Variants in GPR176 observed in about 807,000 individuals in gnomAD.
The protein encoded by GPR176 is G protein-coupled receptor 176, also known as G-protein coupled receptor 176.
In GPR176, 26 loss-of-function variants were observed where a neutral mutation model predicts 35.4. That is an observed-to-expected ratio of 0.74 (90% CI 0.54 to 1.02). The LOEUF (loss-of-function observed/expected upper bound fraction) is 1.02, where lower values mean the gene tolerates loss of function less well. Ranked by LOEUF, GPR176 falls within the 50% of genes least tolerant of loss-of-function variation. GPR176 has a pLI of 0.00. For missense variants in GPR176, 597 were observed against 665.3 expected (o/e 0.90, Z 1.13); for synonymous variants, 278 against 271.3 (o/e 1.02, Z -0.24).
chr15:39,890,016 AATG>A (rs1157486022), intron 1 of GPR176, among the ~76,000 whole-genome samples: 1 of 152,162 alleles, frequency 6.6e-6, no homozygotes, highest in East Asian at 1.9e-4. Flanking sequence ...TGGGAGTTTG[AATG>A]ATGATATTTT....
intron 1 of GPR176, among the ~76,000 whole-genome samples, chr15:39,915,233 A>C (rs1183558448): frequency 1.3e-5 from 2 of 152,180 alleles, no homozygotes; most frequent in African/African-American, 4.8e-5. Flanking sequence ...CAGAGTGCTA[A>C]CGTGGTTGGG....
intron 1 of GPR176, among the ~76,000 whole-genome samples, chr15:39,918,748 G>A (rs1364461109): frequency 2.0e-5 from 3 of 152,094 alleles, no homozygotes; most frequent in Non-Finnish European, 4.4e-5. Context: ...AAATCGAAGA[G>A]AAATACTATG....
intron 1 of GPR176, among the ~76,000 whole-genome samples, chr15:39,890,839 T>C (rs138096893): frequency 5.9e-5 from 9 of 152,274 alleles, no homozygotes; most frequent in Non-Finnish European, 1.2e-4. Context: ...CACCAGACCA[T>C]GGATGAGTTG....
chr15:39,818,191 T>C (rs2140805276), intron 1 of GPR176, among the ~76,000 whole-genome samples: 1 of 152,376 alleles, frequency 6.6e-6, no homozygotes, highest in Middle Eastern at 3.4e-3. Context: ...GTCAGTTTGC[T>C]GTAACTTATG....
intron 1 of GPR176, among the ~76,000 whole-genome samples, chr15:39,897,630 G>A (rs1419765938): frequency 2.9e-5 from 3 of 104,900 alleles, no homozygotes; most frequent in Admixed American, 2.5e-4. Flanking sequence ...TTTTTGAGAC[G>A]GAGTCTCGCT....
chr15:39,836,122 T>A (rs1462076206), intron 1 of GPR176, among the ~76,000 whole-genome samples: 3 of 152,002 alleles, frequency 2.0e-5, no homozygotes, highest in Non-Finnish European at 4.4e-5. Context: ...TATAAGTAAA[T>A]ATAAAAAGAG....
intron 1 of GPR176, among the ~76,000 whole-genome samples, chr15:39,835,982 C>T (rs1290939989): frequency 6.6e-6 from 1 of 152,212 alleles, no homozygotes; most frequent in East Asian, 1.9e-4. Flanking sequence ...GTAATCCCAG[C>T]TACTCAGGAG....
rs560447393 is a variant in GPR176 at position 39,868,387 on chromosome 15, T to G, written c.172+51468A>C. 2.0e-5 allele frequency among the ~76,000 whole-genome samples: 3 copies of G among 151,898 alleles called. No homozygotes were observed. In the East Asian group the frequency reaches 5.9e-4, roughly 30 times the overall value. On this transcript the variant is annotated intron_variant, in intron 1 of 2. Transcript: ENST00000561100. The stretch of plus-strand genomic sequence containing the variant: ...AGCCTAAAAACAAGCAGGGTCCCCA[T>G]GCTGACTGTGAGTATCAGGCAGCTT...
At chr15:39,836,976 T>C (rs576296223) in intron 1 of GPR176, among the ~76,000 whole-genome samples, 1 of 152,258 alleles carries the variant, frequency 6.6e-6, no homozygotes, top group African/African-American at 2.4e-5. Context: ...ATACCAGAAG[T>C]CATCATACAC....
At chr15:39,807,288 T>A in intron 1 of GPR176, 30 bp from the exon 2 acceptor site, 1 of 1,367,694 alleles carries the variant, frequency 7.3e-7, no homozygotes. Context: ...AATAAAATAA[T>A]TTAAATAAAA....
At chr15:39,880,732 G>T in intron 1 of GPR176, among the ~76,000 whole-genome samples, 1 of 151,896 alleles carries the variant, frequency 6.6e-6, no homozygotes, top group East Asian at 1.9e-4. Flanking sequence ...CTGTCTTAAC[G>T]CAACCTTCAC....
rs200618415 is a variant in GPR176, at chr15:39,807,176, G to A, written c.255C>T (p.Cys85=). The change falls in exon 2 of 3, where the codon TGC becomes TGT. Residue 85 remains cysteine (C), a synonymous_variant. Transcript: ENST00000561100. ...VTNRFIKNLA[C]SGICASLVCV... is the part of the protein sequence containing the mutation. ...AGACCAGGCTGGCACAAATCCCCGA[G>A]CAGGCCAGGTTTTTAATGAACCTGT... 2.5e-5 allele frequency: 40 copies of A among 1,613,744 alleles called. No individual in the cohort carries two copies. Among genetic ancestry groups the A allele is most frequent in the Admixed American group, 6.7e-5 (4 of 59,974 alleles).
At chr15:39,808,877 A>G (rs966938529) in intron 1 of GPR176, among the ~76,000 whole-genome samples, 3 of 152,194 alleles carry the variant, frequency 2.0e-5, no homozygotes, top group Non-Finnish European at 4.4e-5. Context: ...TGACTGTACC[A>G]GATATACTGA....
intron 1 of GPR176, among the ~76,000 whole-genome samples, chr15:39,810,539 T>C (rs1899481289): frequency 6.6e-6 from 1 of 152,208 alleles, no homozygotes; most frequent in Admixed American, 6.5e-5. Flanking sequence ...CAAAAGAGCA[T>C]TGGGAAATCG....
chr15:39,888,075 C>T (rs1042838645), intron 1 of GPR176, among the ~76,000 whole-genome samples: 1 of 152,222 alleles, frequency 6.6e-6, no homozygotes, highest in African/African-American at 2.4e-5. Flanking sequence ...CGCCTAGAGA[C>T]TCAAGGTCCT....
intron 1 of GPR176, among the ~76,000 whole-genome samples, chr15:39,868,016 C>T (rs2031898876): frequency 6.6e-6 from 1 of 152,028 alleles, no homozygotes; most frequent in South Asian, 2.1e-4. Flanking sequence ...AAGCCTAAGC[C>T]ATGATGCCAC....
intron 1 of GPR176, among the ~76,000 whole-genome samples, chr15:39,913,177 T>A (rs1595526846): frequency 6.6e-6 from 1 of 152,224 alleles, no homozygotes; most frequent in Non-Finnish European, 1.5e-5. Flanking sequence ...GAAAATATTA[T>A]GCTAAGTGAA....
rs1899261971 is a variant in GPR176 at position 39,807,340 on chromosome 15, TGTAAAAAA to T, written c.173-90_173-83del. On this transcript the variant is annotated intron_variant, in intron 1 of 2. Coordinates refer to ENST00000561100, the MANE Select transcript of GPR176 (RefSeq NM_007223.3). ...AAGGAAAAAAGTACAGGTTAAAAAA[TGTAAAAAA>T]CACATTTGAGAGTTGATTTCAAAAG... 4 of 950,296 alleles carry T rather than the reference TGTAAAAAA, an allele frequency of 4.2e-6. No individual in the cohort carries two copies. In the South Asian group the frequency reaches 1.0e-4, roughly 25 times the overall value. 58.9% of individuals were successfully genotyped at this position (950,296 alleles called of 1,614,324 possible). A position where few individuals can be genotyped will look rare whatever the true frequency, so the allele number is the denominator to read the frequency against.
At chr15:39,806,970 A>C in intron 2 of GPR176, 36 bp downstream of exon 2, 1 of 1,337,264 alleles carries the variant, frequency 7.5e-7, no homozygotes, top group Non-Finnish European at 1.0e-6. Context: ...AATACAACTT[A>C]AAAAAAAAAG....
Sources: gnomAD v4.1 joint callset for allele counts (sites outside exome capture counted in the v4.1 genomes callset) on GRCh38, gnomAD v4.1.1 for gene constraint, MANE v1.5 for transcripts, NCBI Gene and HGNC (gene_info 2026-07-23, HGNC 2026-07-21) for gene names.